TTC6: variants seen among roughly 807,000 people sequenced by gnomAD.
The protein encoded by TTC6 is tetratricopeptide repeat domain 6, also known as tetratricopeptide repeat protein 6.
A neutral mutation model predicts 210.4 loss-of-function variants in TTC6; 172 were observed. That is an observed-to-expected ratio of 0.82 (90% CI 0.72 to 0.93). The LOEUF (loss-of-function observed/expected upper bound fraction) is 0.93. Among genes scored for constraint, TTC6 ranks in the 40% least tolerant of loss-of-function variants. The probability of loss-of-function intolerance (pLI) is 0.00; values close to 1 mark genes in which losing one functional copy is unlikely to be tolerated. For synonymous variants in TTC6, 804 were observed against 819.6 expected (o/e 0.98, Z 0.32); for missense variants, 2,414 against 2,318.1 (o/e 1.04, Z -0.85).
Position 37,808,717 on chromosome 14 carries a change from A to G in TTC6, c.4456-16A>G, listed in dbSNP as rs760935967. ...TATGATTTTCCTTTCTCACATAATT[A>G]CTTTTTTCTTTTTAGACTTATAAGC... is the stretch of plus-strand genomic sequence containing the variant. On this transcript the variant is annotated splice_polypyrimidine_tract_variant and intron_variant, in intron 23 of 30. Transcript: ENST00000553443. 5 of 1,254,424 alleles carry G rather than the reference A, an allele frequency of 4.0e-6. No individual in the cohort carries two copies. The highest frequency in any genetic ancestry group is 5.5e-6 in the Non-Finnish European group (5 of 906,136). 77.7% of individuals were successfully genotyped at this position (1,254,424 alleles called of 1,614,324 possible). A position where few individuals can be genotyped will look rare whatever the true frequency, so the allele number is the denominator to read the frequency against.
intron 7 of TTC6, among the ~76,000 whole-genome samples, chr14:37,725,355 T>A (rs1245734011): frequency 3.0e-5 from 4 of 133,592 alleles, no homozygotes; most frequent in Non-Finnish European, 6.3e-5. Context: ...TATATATATA[T>A]ATAATTTTTT....
At chr14:37,722,399 C>G (rs1566910144) in intron 6 of TTC6, among the ~76,000 whole-genome samples, 1 of 152,156 alleles carries the variant, frequency 6.6e-6, no homozygotes, top group Non-Finnish European at 1.5e-5. Flanking sequence ...TAAATTCTCT[C>G]CTGAAGGTGC....
intron 1 of TTC6, among the ~76,000 whole-genome samples, chr14:37,675,075 T>C (rs2095766091): frequency 6.6e-6 from 1 of 152,020 alleles, no homozygotes; most frequent in Non-Finnish European, 1.5e-5. Context: ...TACACTGAGG[T>C]GAATTCATAT....
intron 20 of TTC6, among the ~76,000 whole-genome samples, chr14:37,799,666 A>G (rs1472669786): frequency 6.6e-6 from 1 of 152,054 alleles, no homozygotes; most frequent in Non-Finnish European, 1.5e-5. Flanking sequence ...GCTTGTGGAG[A>G]GGGTATCATG....
chr14:37,791,986 A>G lies in TTC6; in HGVS notation c.3558-278A>G, dbSNP rs1057256467. ...GTGACTCAAGATAACGGAAAGGTAA[A>G]TCAAAGAAGAGTAAAGTTTTGCTAA... On this transcript the variant is annotated intron_variant, in intron 16 of 30. Transcript: ENST00000553443. Among the ~76,000 whole-genome samples the G allele has an allele frequency of 7.9e-5, 12 of 152,296 alleles. No individual in the cohort carries two copies. In the East Asian group the frequency reaches 2.1e-3, roughly 27 times the overall value.
intron 5 of TTC6, among the ~76,000 whole-genome samples, chr14:37,704,986 T>A (rs1486728749): frequency 3.9e-5 from 6 of 152,176 alleles, no homozygotes. Context: ...TTATTGAGTC[T>A]ATTTATGGAT....
At chr14:37,663,334 GTCTT>G (rs1346096541) in intron 1 of TTC6, among the ~76,000 whole-genome samples, 1 of 151,978 alleles carries the variant, frequency 6.6e-6, no homozygotes, top group Non-Finnish European at 1.5e-5. Context: ...TACTGAAAAA[GTCTT>G]TATTTCACCT....
chr14:37,643,263 G>A (rs2095695527), intron 1 of TTC6, among the ~76,000 whole-genome samples: 1 of 152,158 alleles, frequency 6.6e-6, no homozygotes. Context: ...AGCCGAGATT[G>A]CACCATTGCA....
intron 14 of TTC6, among the ~76,000 whole-genome samples, chr14:37,769,916 T>A (rs1379651118): frequency 6.6e-6 from 1 of 151,710 alleles, no homozygotes; most frequent in Non-Finnish European, 1.5e-5. Flanking sequence ...TTTGAATCTT[T>A]CCTGCTTTCT....
chr14:37,677,063 G>T (rs1006183783), intron 1 of TTC6, among the ~76,000 whole-genome samples: 6 of 151,902 alleles, frequency 3.9e-5, no homozygotes, highest in Non-Finnish European at 5.9e-5. Context: ...AATTCCATAT[G>T]AATTTTAGGA....
chr14:37,798,653 T>G (rs973252896), intron 20 of TTC6, among the ~76,000 whole-genome samples: 1 of 152,064 alleles, frequency 6.6e-6, no homozygotes, highest in African/African-American at 2.4e-5. Context: ...CTAAAACTAG[T>G]GACAAAGACA....
rs140583499 is a variant in TTC6 at position 37,786,166 on chromosome 14, C to T, written c.3267-1302C>T. The stretch of plus-strand genomic sequence containing the variant: ...TCTCTTCAAAGCTGTCAGACAGGGA[C>T]GTTTAAGTCTGCAGAAGTTTCTGCT... On this transcript the variant is annotated intron_variant, in intron 14 of 30. Coordinates refer to ENST00000553443, the Ensembl canonical transcript of TTC6. 4.4e-3 allele frequency among the ~76,000 whole-genome samples: 665 copies of T among 152,288 alleles called. 3 individuals are homozygous for T. Among genetic ancestry groups the T allele is most frequent in the Non-Finnish European group, 4.3e-3 (292 of 68,020 alleles).
At chr14:37,699,576 A>G (rs1021260181) in intron 4 of TTC6, among the ~76,000 whole-genome samples, 1 of 152,188 alleles carries the variant, frequency 6.6e-6, no homozygotes, top group East Asian at 1.9e-4. Flanking sequence ...AAGGAGATCA[A>G]TCTGGTAGAA....
At chr14:37,768,786 C>G (rs1355624176) in intron 14 of TTC6, among the ~76,000 whole-genome samples, 2 of 152,034 alleles carry the variant, frequency 1.3e-5, no homozygotes, top group South Asian at 4.2e-4. Context: ...AATTGAATAC[C>G]CTTTATTTCC....
chr14:37,622,943 C>T, exon 1 of TTC6: 1 of 1,531,210 alleles, frequency 6.5e-7, no homozygotes. Flanking sequence ...TGGCCTCCGA[C>T]CAGACCATCA....
At chr14:37,713,362 C>A (rs2095847589) in intron 5 of TTC6, among the ~76,000 whole-genome samples, 1 of 152,154 alleles carries the variant, frequency 6.6e-6, no homozygotes, top group African/African-American at 2.4e-5. Flanking sequence ...CCTCAGCCTC[C>A]TGAGTAGCTG....
At chr14:37,787,885 GTGTC>G (rs992332828) in intron 15 of TTC6, among the ~76,000 whole-genome samples, 4 of 89,768 alleles carry the variant, frequency 4.5e-5, no homozygotes, top group African/African-American at 9.8e-5. Flanking sequence ...ATGTGTGTGT[GTGTC>G]TGTGTGTGTG....
chr14:37,691,688 G>T (rs941228368), intron 3 of TTC6, among the ~76,000 whole-genome samples: 2 of 152,004 alleles, frequency 1.3e-5, no homozygotes, highest in Non-Finnish European at 2.9e-5. Flanking sequence ...AAAGAATAAA[G>T]GTCAGAGCAG....
intron 2 of TTC6, among the ~76,000 whole-genome samples, chr14:37,682,038 G>A (rs2095785005): frequency 6.6e-6 from 1 of 152,028 alleles, no homozygotes; most frequent in Non-Finnish European, 1.5e-5. Flanking sequence ...GTTCTGGTGT[G>A]AAGGAACTAC....
Sources: gnomAD v4.1 joint callset for allele counts (sites outside exome capture counted in the v4.1 genomes callset) on GRCh38, gnomAD v4.1.1 for gene constraint, MANE v1.5 for transcripts, NCBI Gene and HGNC (gene_info 2026-07-23, HGNC 2026-07-21) for gene names.